Variants in MACROD1 observed in about 807,000 individuals in gnomAD.
MACROD1 encodes the protein mono-ADP ribosylhydrolase 1.
Under a neutral mutation model 41.4 loss-of-function variants are expected in MACROD1, and 31 were observed. The ratio of observed to expected loss-of-function variants is 0.75; its 90% CI spans 0.56 to 1.01. The LOEUF is 1.01. Ranked by LOEUF, MACROD1 falls within the 50% of genes least tolerant of loss-of-function variation. MACROD1 has a pLI of 0.00. For synonymous variants in MACROD1, 252 were observed against 203.4 expected (o/e 1.24, Z -2.03); for missense variants, 473 against 460.0 (o/e 1.03, Z -0.26).
chr11:64,164,509 C>T (rs1178488854), intron 1 of MACROD1, among the ~76,000 whole-genome samples: 2 of 152,216 alleles, frequency 1.3e-5, no homozygotes, highest in Non-Finnish European at 2.9e-5. Flanking sequence ...TCTCTGCCAG[C>T]CCCAAACTCC....
intron 3 of MACROD1, among the ~76,000 whole-genome samples, chr11:64,028,522 G>C (rs989068537): frequency 6.6e-6 from 1 of 152,230 alleles, no homozygotes; most frequent in African/African-American, 2.4e-5. Flanking sequence ...CAGTGTGGCA[G>C]CCATTGGTAT....
intron 1 of MACROD1, among the ~76,000 whole-genome samples, chr11:64,155,008 G>A (rs1445800066): frequency 1.3e-5 from 2 of 152,178 alleles, no homozygotes; most frequent in Non-Finnish European, 2.9e-5. Flanking sequence ...CGTGAGCCAC[G>A]GCGCCGGCCC....
intron 3 of MACROD1, among the ~76,000 whole-genome samples, chr11:64,019,749 T>C (rs1297601517): frequency 3.9e-5 from 6 of 152,028 alleles, no homozygotes; most frequent in Non-Finnish European, 8.8e-5. Flanking sequence ...GGAGCAGGCT[T>C]GAGAGCTGCC....
At chr11:64,140,379 G>A (rs969954649) in intron 3 of MACROD1, among the ~76,000 whole-genome samples, 3 of 152,252 alleles carry the variant, frequency 2.0e-5, no homozygotes, top group Admixed American at 6.5e-5. Flanking sequence ...AAGAGACTCT[G>A]GCAGTCAGGA....
At chr11:64,089,320 T>C (rs1944449664) in intron 3 of MACROD1, among the ~76,000 whole-genome samples, 2 of 152,270 alleles carry the variant, frequency 1.3e-5, no homozygotes, top group East Asian at 1.9e-4. Context: ...AGTGTCCCAG[T>C]GTGCCAGGGA....
chr11:64,000,342 C>T lies in MACROD1; in HGVS notation c.549G>A (p.Val183=). ...ANSSLLGGGG[V]DGCIHRAAGP... Reference sequence around the variant, plus strand: ...CGGCGGCCCGATGAATGCAGCCGTCCACTGCGGGAAGGGCGGGCGCGACTG... The same window carrying T: ...CGGCGGCCCGATGAATGCAGCCGTCTACTGCGGGAAGGGCGGGCGCGACTG... The change falls in exon 5 of 11, where the codon GTG becomes GTA. Residue 183 remains valine (V), a splice_region_variant and synonymous_variant. Coordinates refer to ENST00000255681, the MANE Select transcript of MACROD1 (RefSeq NM_014067.4). 1.3e-6 allele frequency: 2 copies of T among 1,570,098 alleles called. No homozygotes were observed. The highest frequency in any genetic ancestry group is 1.7e-6 in the Non-Finnish European group (2 of 1,159,644).
intron 3 of MACROD1, among the ~76,000 whole-genome samples, chr11:64,019,199 C>G (rs553698760): frequency 6.6e-6 from 1 of 152,212 alleles, no homozygotes; most frequent in African/African-American, 2.4e-5. Context: ...CGAGGTGGCC[C>G]GGCCCCATCG....
intron 3 of MACROD1, among the ~76,000 whole-genome samples, chr11:64,015,535 G>A (rs372967230): frequency 1.3e-5 from 2 of 152,144 alleles, no homozygotes; most frequent in African/African-American, 2.4e-5. Context: ...CTGCTCACCC[G>A]GACGCAGACG....
chr11:64,001,567 G>A (rs1326208173), intron 4 of MACROD1: 1 of 702,350 alleles, frequency 1.4e-6, no homozygotes. Context: ...TGCCCTGGGG[G>A]CACAATTAAA....
chr11:64,014,059 G>A (rs1428925556), intron 4 of MACROD1, among the ~76,000 whole-genome samples: 2 of 152,154 alleles, frequency 1.3e-5, no homozygotes, highest in Non-Finnish European at 2.9e-5. Flanking sequence ...CAGGGGACAG[G>A]GACCAGGCCC....
chr11:64,003,706 T>C (rs1942864032), intron 4 of MACROD1, among the ~76,000 whole-genome samples: 1 of 152,210 alleles, frequency 6.6e-6, no homozygotes, highest in Non-Finnish European at 1.5e-5. Context: ...CCCACACGGC[T>C]GGAAGGTTGG....
intron 3 of MACROD1, among the ~76,000 whole-genome samples, chr11:64,083,307 G>C (rs1944335518): frequency 6.6e-6 from 1 of 152,116 alleles, no homozygotes; most frequent in Non-Finnish European, 1.5e-5. Context: ...ATGGTGGTGG[G>C]CACCTATAGT....
At chr11:64,043,717 A>G (rs1182006491) in intron 3 of MACROD1, among the ~76,000 whole-genome samples, 1 of 152,188 alleles carries the variant, frequency 6.6e-6, no homozygotes, top group African/African-American at 2.4e-5. Flanking sequence ...GCAGAATCCC[A>G]CTGAGGCTTC....
intron 3 of MACROD1, among the ~76,000 whole-genome samples, chr11:64,108,549 C>A (rs1590919689): frequency 6.6e-6 from 1 of 152,280 alleles, no homozygotes; most frequent in Admixed American, 6.5e-5. Flanking sequence ...AAGGTGGGGT[C>A]TTTCATTAAT....
In MACROD1 at chr11:64,129,257, T is replaced by C. The variant is rs1372782285; in HGVS notation, c.517+21982A>G. Among the ~76,000 whole-genome samples, 6 of 152,346 alleles carry C rather than the reference T, an allele frequency of 3.9e-5. No individual in the cohort carries two copies. The East Asian group carries it at 5.8e-4, about 15-fold the overall frequency. On this transcript the variant is annotated intron_variant, in intron 3 of 10. Transcript: ENST00000255681. ...GTCCCTGGGTATTGGGTTAGACCCA[T>C]GGGCTCCGCCAGTTACCACATGTGC...
rs1308232884 is a variant in MACROD1, at chr11:64,151,317, C to G, written c.439G>C (p.Asp147His). 5 of 1,613,816 alleles carry G rather than the reference C, an allele frequency of 3.1e-6. No homozygotes were observed. The South Asian group carries it at 4.4e-5, about 14-fold the overall frequency. Residue 147 changes from aspartate (D) to histidine (H), a missense_variant, in exon 3 of 11, where the codon GAC becomes CAC. Transcript: ENST00000255681. Reference protein sequence around the residue: ...VKVEEPRYKKDKQLNEKISLL... With the variant: ...VKVEEPRYKKHKQLNEKISLL... ...GAGATTTTCTCATTGAGCTGCTTGT[C>G]CTTTTTATACCTGGGCTCCTCCACC...
chr11:64,145,040 G>A (rs575335912), intron 3 of MACROD1, among the ~76,000 whole-genome samples: 1 of 152,186 alleles, frequency 6.6e-6, no homozygotes, highest in African/African-American at 2.4e-5. Flanking sequence ...GCCAGGCTCT[G>A]CTGGGCCCTC....
chr11:64,095,982 C>CT (rs965327314), intron 3 of MACROD1, among the ~76,000 whole-genome samples: 4 of 34,356 alleles, frequency 1.2e-4, no homozygotes, highest in Admixed American at 9.8e-4. Flanking sequence ...CCCCCCACCC[C>CT]CCAGGGGCCC....
At chr11:64,115,949 G>A (rs1486563436) in intron 3 of MACROD1, among the ~76,000 whole-genome samples, 1 of 152,188 alleles carries the variant, frequency 6.6e-6, no homozygotes, top group Non-Finnish European at 1.5e-5. Flanking sequence ...GGAGGGCCGC[G>A]GCAGCACGGG....
Sources: allele counts gnomAD v4.1 joint callset (sites outside exome capture counted in the v4.1 genomes callset), GRCh38; gene constraint gnomAD v4.1.1; transcripts MANE v1.5; gene names NCBI Gene and HGNC (gene_info 2026-07-23, HGNC 2026-07-21).